The following IDNK variants were observed in gnomAD, a reference collection of about 807,000 sequenced individuals.
The protein encoded by IDNK is IDNK gluconokinase, also known as gluconokinase.
IDNK carries 9 observed loss-of-function variants against 13.0 expected under a neutral mutation model. The ratio of observed to expected loss-of-function variants is 0.69; its 90% CI spans 0.42 to 1.21. The LOEUF (loss-of-function observed/expected upper bound fraction) is 1.21, where lower values mean the gene tolerates loss of function less well. Ranked by LOEUF, IDNK falls within the 50% of genes most tolerant of loss-of-function variation. The pLI is 0.00. For synonymous variants in IDNK, 92 were observed against 94.9 expected (o/e 0.97, Z 0.18); for missense variants, 210 against 237.8 (o/e 0.88, Z 0.77).
intron 1 of IDNK, 149 bp from the exon 2 acceptor site, chr9:83,628,032 G>A (rs1830907997): frequency 6.1e-6 from 9 of 1,466,836 alleles, no homozygotes; most frequent in East Asian, 2.5e-5. Context: ...AGACTCCACG[G>A]TCACGGGCAT....
intron 4 of IDNK, among the ~76,000 whole-genome samples, chr9:83,642,885 G>A (rs950119123): frequency 6.6e-6 from 1 of 152,156 alleles, no homozygotes; most frequent in Non-Finnish European, 1.5e-5. Context: ...AGAGGCTGAT[G>A]CTCCCTTCTC....
rs760134513 is a variant in IDNK, at chr9:83,641,627, CA to C, written c.212+37del. On this transcript the variant is annotated intron_variant, in intron 4 of 4. Transcript: ENST00000376419. ...ACCAGGCCTTGGCATAAGCCAAAGC[CA>C]GCAGGTAAAGAAAACCCTCAGAAAA... is the stretch of plus-strand genomic sequence containing the variant. 1.9e-6 allele frequency: 3 copies of C among 1,604,806 alleles called. No individual in the cohort carries two copies. In the South Asian group the frequency reaches 3.3e-5, roughly 18 times the overall value.
intron 1 of IDNK, chr9:83,623,579 G>T: frequency 3.5e-6 from 1 of 281,820 alleles, no homozygotes; most frequent in Non-Finnish European, 6.8e-6. Context: ...GTCGGGGCCA[G>T]GCGGGAGGGC....
intron 3 of IDNK, among the ~76,000 whole-genome samples, chr9:83,634,027 A>T (rs1439764610): frequency 5.9e-5 from 9 of 152,370 alleles, no homozygotes; most frequent in African/African-American, 1.7e-4. Context: ...GACGGCACTG[A>T]CATGGTAGCC....
chr9:83,624,215 A>G (rs1830782850), intron 1 of IDNK, among the ~76,000 whole-genome samples: 1 of 152,220 alleles, frequency 6.6e-6, no homozygotes, highest in African/African-American at 2.4e-5. Context: ...TGGAGAATGT[A>G]AAATCATTGC....
intron 1 of IDNK, among the ~76,000 whole-genome samples, chr9:83,626,233 T>G (rs529919784): frequency 1.4e-4 from 21 of 152,272 alleles, no homozygotes; most frequent in Admixed American, 3.3e-4. Context: ...GCACTGTGCC[T>G]TATTTCTGCC....
At chr9:83,635,557 C>T (rs1831141053) in intron 3 of IDNK, among the ~76,000 whole-genome samples, 1 of 152,242 alleles carries the variant, frequency 6.6e-6, no homozygotes. Context: ...AGACATGCTT[C>T]CTCTAGGTAT....
chr9:83,639,141 C>T (rs142107392), intron 3 of IDNK, among the ~76,000 whole-genome samples: 363 of 152,208 alleles, frequency 2.4e-3, no homozygotes, highest in African/African-American at 8.2e-3. Flanking sequence ...AATGCACACA[C>T]ATCACCAAAA....
intron 2 of IDNK, 105 bp downstream of exon 2, chr9:83,628,316 T>C (rs1830917483): frequency 9.7e-7 from 1 of 1,026,900 alleles, no homozygotes; most frequent in Non-Finnish European, 1.5e-6. Flanking sequence ...CCACATGGCT[T>C]TGAACCCCAC....
chr9:83,640,661 G>A (rs181426493), intron 3 of IDNK, among the ~76,000 whole-genome samples: 1 of 152,220 alleles, frequency 6.6e-6, no homozygotes, highest in Non-Finnish European at 1.5e-5. Context: ...GACCAACATG[G>A]AGAAACCCCA....
Position 83,628,079 on chromosome 9 carries a change from T to G in IDNK, c.51-102T>G, listed in dbSNP as rs2282222. ...GATTACACAGTGATTGGTGTTTAAATTCCTGCTAAGGCAGCCATCCCTTTC... is the reference window on the plus strand; with the variant it reads ...GATTACACAGTGATTGGTGTTTAAAGTCCTGCTAAGGCAGCCATCCCTTTC... On this transcript the variant is annotated intron_variant, in intron 1 of 4. Transcript: ENST00000376419. 0.014 allele frequency: 21,128 copies of G among 1,532,656 alleles called. 959 individuals carry two copies. The African/African-American group carries it at 0.14, about 10-fold the overall frequency. The allele number at this position is 1,532,656 out of a possible 1,614,324, so 94.9% of individuals were successfully genotyped here. A position where few individuals can be genotyped will look rare whatever the true frequency, so the allele number is the denominator to read the frequency against.
At chr9:83,641,903 C>G (rs1014741189) in intron 4 of IDNK, among the ~76,000 whole-genome samples, 4 of 152,230 alleles carry the variant, frequency 2.6e-5, no homozygotes, top group African/African-American at 9.6e-5. Context: ...ATAGTTCCTA[C>G]TCACAGATTT....
In IDNK at chr9:83,630,851, A is replaced by C. The variant is rs1027151987; in HGVS notation, c.168+1892A>C. On this transcript the variant is annotated intron_variant, in intron 3 of 4. Transcript: ENST00000376419. ...TATGGATTGGGGGGTAGAATTCAGA[A>C]GAGAAATTTATGTACAGGAGAAAAG... 2.0e-5 allele frequency among the ~76,000 whole-genome samples: 3 copies of C among 152,360 alleles called. No individual in the cohort carries two copies. In the East Asian group the frequency reaches 5.8e-4, roughly 29 times the overall value.
intron 3 of IDNK, among the ~76,000 whole-genome samples, chr9:83,631,416 G>C (rs1831008589): frequency 1.5e-5 from 2 of 129,414 alleles, no homozygotes. Context: ...AGACCTGCCT[G>C]GGCAACATAG....
chr9:83,626,088 T>C (rs1830841058), intron 1 of IDNK, among the ~76,000 whole-genome samples: 1 of 152,236 alleles, frequency 6.6e-6, no homozygotes, highest in African/African-American at 2.4e-5. Context: ...TGATTCTGCA[T>C]CCCTTCCTTC....
At chr9:83,640,866 G>A (rs1200706822) in intron 3 of IDNK, among the ~76,000 whole-genome samples, 1 of 152,212 alleles carries the variant, frequency 6.6e-6, no homozygotes, top group East Asian at 1.9e-4. Flanking sequence ...TGCTGAAGCT[G>A]GGTATTGGTA....
rs1293236802 is a variant in IDNK at position 83,628,857 on chromosome 9, C to T, written c.82-16C>T. On this transcript the variant is annotated splice_polypyrimidine_tract_variant and intron_variant, in intron 2 of 4. Transcript: ENST00000376419. Reference sequence around the variant, plus strand: ...CATCTGCCTGCCACATACACCCTTTCACTTTGTTCTTAAAGCTGGGATGGA... The same window carrying T: ...CATCTGCCTGCCACATACACCCTTTTACTTTGTTCTTAAAGCTGGGATGGA... The T allele has an allele frequency of 6.3e-7, 1 of 1,597,934 alleles. No individual in the cohort carries two copies. The highest frequency in any genetic ancestry group is 8.6e-7 in the Non-Finnish European group (1 of 1,165,330).
At position 83,628,203 on chromosome 9, in the gene IDNK, G is replaced by C; in HGVS notation, c.73G>C (p.Ala25Pro). 3.2e-6 allele frequency: 5 copies of C among 1,550,492 alleles called. No homozygotes were observed. Among genetic ancestry groups the C allele is most frequent in the Non-Finnish European group, 4.4e-6 (5 of 1,146,890 alleles). The change falls in exon 2 of 5, where the codon GCA becomes CCA. Residue 25 changes from alanine (A) to proline (P), a missense_variant. Physicochemically the swap from Ala to Pro is conservative, Grantham distance 27 (BLOSUM62 -1). Coordinates refer to ENST00000376419, the MANE Select transcript of IDNK (RefSeq NM_001001551.4). ...SGKSTVGALL[A>P]SELGWKFYDA... ...CAGATCCACCGTGGGCGCCCTGCTG[G>C]CATCTGAGGTTAGTAACCTGTCCTA...
chr9:83,635,279 G>A (rs755527965), intron 3 of IDNK, among the ~76,000 whole-genome samples: 21 of 152,188 alleles, frequency 1.4e-4, no homozygotes, highest in Non-Finnish European at 2.5e-4. Context: ...TGTACCAAAA[G>A]AAATACAACT....
Sources: gnomAD v4.1 joint callset for allele counts (sites outside exome capture counted in the v4.1 genomes callset) on GRCh38, gnomAD v4.1.1 for gene constraint, MANE v1.5 for transcripts, NCBI Gene and HGNC (gene_info 2026-07-23, HGNC 2026-07-21) for gene names.